KANK1: variants seen among roughly 807,000 people sequenced by gnomAD.
KANK1 encodes KN motif and ankyrin repeat domain-containing protein 1.
In KANK1, 109 loss-of-function variants were observed where a neutral mutation model predicts 106.2. The ratio of observed to expected loss-of-function variants is 1.03; its 90% CI spans 0.88 to 1.20. The LOEUF is 1.20. Ranked by LOEUF, KANK1 falls within the 50% of genes most tolerant of loss-of-function variation. The pLI, the probability that KANK1 is intolerant of heterozygous loss-of-function variation, is 0.00. For synonymous variants in KANK1, 873 were observed against 652.2 expected, an observed-to-expected ratio of 1.34 and a Z score of -5.16; for missense variants, 2,399 against 1,710.7, an observed-to-expected ratio of 1.40 and a Z score of -7.10.
chr9:739,412 A>G (rs1040605625), intron 8 of KANK1, among the ~76,000 whole-genome samples: 1 of 152,040 alleles, frequency 6.6e-6, no homozygotes, highest in Non-Finnish European at 1.5e-5. Context: ...CTGTTTTGGG[A>G]ACTTGGAATT....
chr9:514,138 CCCTCCCTTCCTCTCTCCCTCCCTT>C (rs2059159757), intron 1 of KANK1, among the ~76,000 whole-genome samples: 1 of 83,440 alleles, frequency 1.2e-5, no homozygotes, highest in Non-Finnish European at 2.1e-5. Flanking sequence ...CTCCCTCCCT[CCCTCCCTTCCTCTCTCCCTCCCTT>C]CCTCTCTCCC....
chr9:474,838 G>C (rs954402396), intron 3 of KANK1, among the ~76,000 whole-genome samples: 3 of 152,152 alleles, frequency 2.0e-5, no homozygotes, highest in African/African-American at 7.2e-5. Flanking sequence ...CTTTCCCTGA[G>C]GACACTTCAG....
intron 1 of KANK1, among the ~76,000 whole-genome samples, chr9:621,072 A>G (rs1193813419): frequency 1.3e-5 from 2 of 152,166 alleles, no homozygotes; most frequent in African/African-American, 2.4e-5. Flanking sequence ...GCCCAGTACT[A>G]GAAATCTAAG....
At chr9:620,062 C>T (rs1460484547) in intron 1 of KANK1, among the ~76,000 whole-genome samples, 3 of 151,748 alleles carry the variant, frequency 2.0e-5, no homozygotes, top group African/African-American at 4.8e-5. Context: ...GCTTGAACCT[C>T]GGAGGCAGAG....
chr9:658,226 A>G (rs754139746), intron 1 of KANK1, among the ~76,000 whole-genome samples: 19 of 152,158 alleles, frequency 1.2e-4, no homozygotes, highest in Non-Finnish European at 1.6e-4. Flanking sequence ...AAGCCTATGC[A>G]TAAACAAAAC....
rs1837041424 is a variant in KANK1, at chr9:745,911, A to C, written c.*676A>C. ...ACATCATCATTTGTATTAATTGCAC[A>C]ACTCCAATGCTAAAGGTTGGATTGT... On this transcript the variant is annotated 3_prime_UTR_variant, in exon 12 of 12. Transcript: ENST00000382297. 6.6e-6 allele frequency: 1 copy of C among 152,670 alleles called. No homozygotes were observed. The highest frequency in any genetic ancestry group is 1.5e-5 in the Non-Finnish European group (1 of 68,050). 9.5% of individuals were successfully genotyped at this position (152,670 alleles called of 1,614,324 possible).
At chr9:507,773 G>C (rs960023319) in intron 1 of KANK1, among the ~76,000 whole-genome samples, 4 of 152,068 alleles carry the variant, frequency 2.6e-5, no homozygotes, top group Non-Finnish European at 4.4e-5. Flanking sequence ...GGCCAGGATG[G>C]TCTCAATCTC....
chr9:515,079 C>T (rs2059218296), intron 1 of KANK1, among the ~76,000 whole-genome samples: 1 of 151,918 alleles, frequency 6.6e-6, no homozygotes, highest in Non-Finnish European at 1.5e-5. Context: ...TGCAGTGGCT[C>T]ACGCCTGTAA....
chr9:685,399 G>T lies in KANK1; in HGVS notation c.37+8390G>T, dbSNP rs908569230. ...ATTAAACAATATTCTATAAAAATGAGAGAAGGCCACTCTAATCAACAGATA... is the reference window on the plus strand; with the variant it reads ...ATTAAACAATATTCTATAAAAATGATAGAAGGCCACTCTAATCAACAGATA... On this transcript the variant is annotated intron_variant, in intron 2 of 11. Coordinates refer to ENST00000382297, the MANE Select transcript of KANK1 (RefSeq NM_015158.5). 4.4e-4 allele frequency: 17 copies of T among 38,274 alleles called. No homozygotes were observed. The African/African-American group carries it at 5.3e-3, about 12-fold the overall frequency. The allele number at this position is 38,274 out of a possible 1,614,324, so 2.4% of individuals were successfully genotyped here. A position where few individuals can be genotyped will look rare whatever the true frequency, so the allele number is the denominator to read the frequency against.
At chr9:728,608 T>G (rs1438796845) in intron 3 of KANK1, among the ~76,000 whole-genome samples, 2 of 152,198 alleles carry the variant, frequency 1.3e-5, no homozygotes, top group African/African-American at 4.8e-5. Context: ...CCAGGAGAGA[T>G]TCAGAGTCTG....
chr9:744,399 C>G, intron 10 of KANK1, 92 bp from the exon 11 acceptor site: 1 of 1,428,632 alleles, frequency 7.0e-7, no homozygotes. Context: ...GGAACCTTGC[C>G]AATTATTGGA....
chr9:541,103 G>A (rs760497807), intron 1 of KANK1, among the ~76,000 whole-genome samples: 15 of 150,878 alleles, frequency 9.9e-5, no homozygotes, highest in Non-Finnish European at 1.5e-4. Context: ...CATCTCTTAA[G>A]TTTTGGTTTG....
chr9:503,641 C>T (rs577661476), upstream of KANK1, among the ~76,000 whole-genome samples: 7 of 152,274 alleles, frequency 4.6e-5, no homozygotes, highest in South Asian at 1.5e-3. Flanking sequence ...GGGGAGGACT[C>T]TCTCCCTTAA....
intron 1 of KANK1, among the ~76,000 whole-genome samples, chr9:643,046 A>G (rs1588509540): frequency 6.6e-6 from 1 of 150,854 alleles, no homozygotes; most frequent in Non-Finnish European, 1.5e-5. Flanking sequence ...ATTTGGAAAC[A>G]TATAAAAATA....
chr9:595,127 A>G (rs2172637), intron 1 of KANK1, among the ~76,000 whole-genome samples: 65,969 of 151,698 alleles, frequency 0.43, 16,840 homozygotes, highest in South Asian at 0.59. Flanking sequence ...TTAAAATGCA[A>G]CGATGGCCCG....
At chr9:514,505 T>G (rs951690257) in intron 1 of KANK1, among the ~76,000 whole-genome samples, 21 of 150,826 alleles carry the variant, frequency 1.4e-4, no homozygotes, top group African/African-American at 5.0e-4. Flanking sequence ...TCCTTACTTC[T>G]AATATCATAG....
Position 730,052 on chromosome 9 carries a change from C to T in KANK1, c.2700C>T (p.Gly900=), listed in dbSNP as rs772933354. ...FQKTSLGKIT[G]NYLGYTCKCG... ...CTGTACCTTTCTTTTTCCTGATAGG[C>T]AATTATTTGGGATATACCTGTAAGT... Residue 900 remains glycine (G), a splice_region_variant and synonymous_variant, in exon 4 of 12, where the codon GGC becomes GGT. Transcript: ENST00000382297. 1.9e-6 allele frequency: 3 copies of T among 1,613,412 alleles called. No individual in the cohort carries two copies. Among genetic ancestry groups the T allele is most frequent in the African/African-American group, 1.3e-5 (1 of 74,870 alleles).
chr9:699,093 A>G (rs1386501954), intron 2 of KANK1, among the ~76,000 whole-genome samples: 1 of 152,054 alleles, frequency 6.6e-6, no homozygotes, highest in Non-Finnish European at 1.5e-5. Context: ...ATCCCTCCAC[A>G]CATCCCCACC....
At position 670,595 on chromosome 9, in the gene KANK1, C is replaced by A. The variant is rs562194483; in HGVS notation, c.-83-6295C>A. Among the ~76,000 whole-genome samples the A allele has an allele frequency of 9.9e-5, 15 of 152,238 alleles. No homozygotes were observed. The South Asian group carries it at 3.1e-3, about 32-fold the overall frequency. On this transcript the variant is annotated intron_variant, in intron 1 of 11. Transcript: ENST00000382297. Reference sequence around the variant, plus strand: ...TGCCCAAGAGACCTGTGGAATCTACCTCCTACAGCATAGTGCTGCCGAACA... The same window carrying A: ...TGCCCAAGAGACCTGTGGAATCTACATCCTACAGCATAGTGCTGCCGAACA...
Sources: gnomAD v4.1 joint callset for allele counts (sites outside exome capture counted in the v4.1 genomes callset) on GRCh38, gnomAD v4.1.1 for gene constraint, MANE v1.5 for transcripts, NCBI Gene and HGNC (gene_info 2026-07-23, HGNC 2026-07-21) for gene names.